The following SMG7 variants were observed in gnomAD, a reference collection of about 807,000 sequenced individuals.
SMG7 encodes the protein SMG7 nonsense mediated mRNA decay factor, also known as nonsense-mediated mRNA decay factor SMG7.
SMG7 carries 34 observed loss-of-function variants against 148.2 expected under a neutral mutation model. The observed-to-expected ratio is 0.23, with a 90% CI of 0.17 to 0.31. The LOEUF (loss-of-function observed/expected upper bound fraction) is 0.31, where lower values mean the gene tolerates loss of function less well. Among genes scored for constraint, SMG7 ranks in the 10% least tolerant of loss-of-function variants. SMG7 has a pLI of 1.00. For missense variants in SMG7, 1,114 were observed against 1,408.4 expected (o/e 0.79, Z 3.35); for synonymous variants, 492 against 515.1 (o/e 0.96, Z 0.61).
rs139086114 is a variant in SMG7 at position 183,505,497 on chromosome 1, TC to T, written c.30-7339del. Among the ~76,000 whole-genome samples, 888 of 152,320 alleles carry T rather than the reference TC, an allele frequency of 5.8e-3. 7 individuals carry two copies. The highest frequency in any genetic ancestry group is 0.019 in the African/African-American group (805 of 41,564). ...GAAAACAGAGAACTAGCTCCACCCT[TC>T]TGAGTTTGTGGGCAGTTACATTTAC... On this transcript the variant is annotated intron_variant, in intron 1 of 22. Transcript: ENST00000688051.
At chr1:183,500,383 T>C (rs968211761) in intron 1 of SMG7, among the ~76,000 whole-genome samples, 1 of 152,196 alleles carries the variant, frequency 6.6e-6, no homozygotes, top group African/African-American at 2.4e-5. Flanking sequence ...GGTTCTCAGA[T>C]GGAAAACCTT....
At chr1:183,533,358 T>A in intron 9 of SMG7, 32 bp downstream of exon 9, 1 of 1,594,640 alleles carries the variant, frequency 6.3e-7, no homozygotes, top group Non-Finnish European at 8.6e-7. Context: ...ATGTGCCATC[T>A]TTTTTGAAAA....
At chr1:183,474,604 A>G (rs975470608) in intron 1 of SMG7, among the ~76,000 whole-genome samples, 1 of 152,152 alleles carries the variant, frequency 6.6e-6, no homozygotes, top group African/African-American at 2.4e-5. Context: ...AAAAGATACG[A>G]AGTGTTTTGA....
intron 1 of SMG7, among the ~76,000 whole-genome samples, chr1:183,510,050 G>A (rs1349518035): frequency 6.6e-6 from 1 of 152,074 alleles, no homozygotes; most frequent in Non-Finnish European, 1.5e-5. Context: ...AATGTTACTT[G>A]TTCATCTTTA....
chr1:183,492,668 T>TAA (rs1657364555), intron 1 of SMG7, among the ~76,000 whole-genome samples: 1 of 152,206 alleles, frequency 6.6e-6, no homozygotes, highest in African/African-American at 2.4e-5. Flanking sequence ...AAGAATCAGC[T>TAA]TTTGTCTTTC....
rs1289079402 is a variant in SMG7 at position 183,553,331 on chromosome 1, T to C, written c.*1400T>C. Reference sequence around the variant, plus strand: ...TTAAGGGGAAATTATGGAAACAATCTAATTGTTCAATTGCTGTGCTAGTGG... The same window carrying C: ...TTAAGGGGAAATTATGGAAACAATCCAATTGTTCAATTGCTGTGCTAGTGG... On this transcript the variant is annotated 3_prime_UTR_variant, in exon 23 of 23. Transcript: ENST00000688051. The C allele has an allele frequency of 4.0e-6, 4 of 992,930 alleles. No homozygotes were observed. The highest frequency in any genetic ancestry group is 1.6e-5 in the African/African-American group (1 of 61,272). The allele number at this position is 992,930 out of a possible 1,614,324, so 61.5% of individuals were successfully genotyped here. A position where few individuals can be genotyped will look rare whatever the true frequency, so the allele number is the denominator to read the frequency against.
chr1:183,521,669 C>G lies in SMG7; in HGVS notation c.312+3849C>G, dbSNP rs935441964. Among the ~76,000 whole-genome samples the G allele has an allele frequency of 2.6e-5, 4 of 151,972 alleles. 1 individual carries two copies. The highest frequency in any genetic ancestry group is 9.7e-5 in the African/African-American group (4 of 41,376). On this transcript the variant is annotated intron_variant, in intron 4 of 22. Coordinates refer to ENST00000688051, the MANE Select transcript of SMG7 (RefSeq NM_001375584.1). ...CTGAGATGGGAGGATCACTTGAGACCAGCCTGGGTAACGTGGTGAGACCCT... is the reference window on the plus strand; with the variant it reads ...CTGAGATGGGAGGATCACTTGAGACGAGCCTGGGTAACGTGGTGAGACCCT...
At chr1:183,543,587 C>T (rs1039366351) in intron 14 of SMG7, among the ~76,000 whole-genome samples, 1 of 152,148 alleles carries the variant, frequency 6.6e-6, no homozygotes, top group African/African-American at 2.4e-5. Flanking sequence ...TAACTGCTCA[C>T]AATAAGGTCC....
intron 1 of SMG7, among the ~76,000 whole-genome samples, chr1:183,477,305 C>G (rs948074609): frequency 2.1e-4 from 32 of 152,134 alleles, no homozygotes; most frequent in African/African-American, 7.0e-4. Context: ...TAATTTCTTC[C>G]TATGCTGTGA....
chr1:183,524,859 TTG>T (rs1665512424), intron 4 of SMG7, among the ~76,000 whole-genome samples: 2 of 152,268 alleles, frequency 1.3e-5, no homozygotes, highest in East Asian at 3.9e-4. Flanking sequence ...GTTGGTTATA[TTG>T]TGTGTCATGT....
At chr1:183,541,905 A>G (rs1024655233) in intron 13 of SMG7, among the ~76,000 whole-genome samples, 171 bp from the exon 14 acceptor site, 6 of 152,132 alleles carry the variant, frequency 3.9e-5, no homozygotes, top group Non-Finnish European at 7.4e-5. Flanking sequence ...GATAATGAGA[A>G]CCTCAGTTTC....
At chr1:183,492,344 A>G (rs1257905182) in intron 1 of SMG7, among the ~76,000 whole-genome samples, 1 of 152,180 alleles carries the variant, frequency 6.6e-6, no homozygotes, top group Non-Finnish European at 1.5e-5. Context: ...ACATGTAAAA[A>G]CACACATACA....
intron 12 of SMG7, among the ~76,000 whole-genome samples, chr1:183,540,518 C>T (rs558680972): frequency 4.6e-5 from 7 of 151,572 alleles, no homozygotes; most frequent in South Asian, 4.2e-4. Flanking sequence ...ATATGCTTTA[C>T]GATATTTATA....
chr1:183,502,210 T>C (rs1259601678), intron 1 of SMG7: 23 of 1,303,386 alleles, frequency 1.8e-5, no homozygotes, highest in Admixed American at 2.8e-5. Flanking sequence ...GGGTTCTCTG[T>C]TATTGTGGGT....
intron 7 of SMG7, 38 bp downstream of exon 7, chr1:183,529,080 G>T (rs1272738305): frequency 1.3e-6 from 2 of 1,567,824 alleles, no homozygotes; most frequent in Non-Finnish European, 1.7e-6. Flanking sequence ...TTTCCAAGAG[G>T]ACTTTGTAAC....
intron 18 of SMG7, 68 bp downstream of exon 18, chr1:183,547,320 A>G (rs1360724069): frequency 1.5e-6 from 2 of 1,359,102 alleles, no homozygotes; most frequent in African/African-American, 2.9e-5. Flanking sequence ...ACTGTAGTAC[A>G]CAGATTAGGT....
At chr1:183,526,822 G>A in intron 5 of SMG7, 55 bp downstream of exon 5, 1 of 1,435,696 alleles carries the variant, frequency 7.0e-7, no homozygotes, top group Non-Finnish European at 9.5e-7. Context: ...CTTTGGAATA[G>A]TCATAGAAAG....
At chr1:183,533,120 C>T in intron 8 of SMG7, 44 bp from the exon 9 acceptor site, 4 of 1,553,036 alleles carry the variant, frequency 2.6e-6, no homozygotes, top group Non-Finnish European at 3.5e-6. Context: ...AAAGATGGTT[C>T]CTGTTCTTGA....
intron 1 of SMG7, among the ~76,000 whole-genome samples, chr1:183,483,490 T>A (rs1189522895): frequency 2.0e-5 from 3 of 152,038 alleles, no homozygotes; most frequent in Non-Finnish European, 4.4e-5. Context: ...TTACTTGAAA[T>A]TTTTTTTATT....
Sources: gnomAD v4.1 joint callset for allele counts (sites outside exome capture counted in the v4.1 genomes callset) on GRCh38, gnomAD v4.1.1 for gene constraint, MANE v1.5 for transcripts, NCBI Gene and HGNC (gene_info 2026-07-23, HGNC 2026-07-21) for gene names.